The following MALRD1 variants were observed in gnomAD, a reference collection of about 807,000 sequenced individuals.
The protein encoded by MALRD1 is MAM and LDL-receptor class A domain-containing protein 1.
In MALRD1, 247 loss-of-function variants were observed where a neutral mutation model predicts 242.1. The observed-to-expected ratio is 1.02, with a 90% CI of 0.92 to 1.13. The LOEUF is 1.13. Among genes scored for constraint, MALRD1 ranks in the 50% most tolerant of loss-of-function variants. The pLI, the probability that MALRD1 is intolerant of heterozygous loss-of-function variation, is 0.00. For missense variants in MALRD1, 2,989 were observed against 2,533.1 expected, an observed-to-expected ratio of 1.18 and a Z score of -3.86; for synonymous variants, 995 against 866.6, an observed-to-expected ratio of 1.15 and a Z score of -2.60.
chr10:19,523,317 T>A (rs912306018), intron 31 of MALRD1, among the ~76,000 whole-genome samples: 1 of 152,202 alleles, frequency 6.6e-6, no homozygotes, highest in Non-Finnish European at 1.5e-5. Context: ...ATAATATATT[T>A]CTGTTTCAAT....
intron 13 of MALRD1, among the ~76,000 whole-genome samples, chr10:19,167,859 C>T (rs1834765435): frequency 6.6e-6 from 1 of 152,138 alleles, no homozygotes; most frequent in Admixed American, 6.5e-5. Context: ...ACCACCTCCC[C>T]ATGAAAGCAG....
chr10:19,380,354 A>G (rs920257308), intron 26 of MALRD1, among the ~76,000 whole-genome samples: 2 of 150,262 alleles, frequency 1.3e-5, no homozygotes, highest in African/African-American at 4.9e-5. Flanking sequence ...ATTCCACACC[A>G]TGAGTTCCGC....
At chr10:19,127,220 A>C (rs1463289236) in intron 7 of MALRD1, among the ~76,000 whole-genome samples, 3 of 152,204 alleles carry the variant, frequency 2.0e-5, no homozygotes, top group Non-Finnish European at 4.4e-5. Flanking sequence ...ACTATTTTTA[A>C]AAAGATTAAT....
chr10:19,063,906 C>T (rs887571329), intron 1 of MALRD1, among the ~76,000 whole-genome samples: 2 of 151,834 alleles, frequency 1.3e-5, no homozygotes, highest in African/African-American at 2.4e-5. Flanking sequence ...AACTAACCTG[C>T]ACATTGTGCA....
intron 32 of MALRD1, among the ~76,000 whole-genome samples, chr10:19,550,105 A>C (rs1835414155): frequency 1.3e-5 from 2 of 152,166 alleles, no homozygotes; most frequent in Admixed American, 1.3e-4. Context: ...CTTAAGTAAG[A>C]AAGGTGAAAA....
chr10:19,536,867 G>C (rs535353052), intron 32 of MALRD1, among the ~76,000 whole-genome samples: 1 of 152,228 alleles, frequency 6.6e-6, no homozygotes, highest in African/African-American at 2.4e-5. Context: ...AAATAAGAAA[G>C]TTTCCTGTGA....
intron 1 of MALRD1, among the ~76,000 whole-genome samples, chr10:19,050,040 C>G (rs150877130): frequency 2.8e-4 from 42 of 150,648 alleles, no homozygotes; most frequent in African/African-American, 8.8e-4. Context: ...TCCAGAGGCA[C>G]GAATTCTATT....
intron 21 of MALRD1, among the ~76,000 whole-genome samples, chr10:19,291,764 T>C (rs1841438879): frequency 1.3e-5 from 2 of 151,466 alleles, no homozygotes; most frequent in African/African-American, 4.8e-5. Flanking sequence ...GAAAGAAAAA[T>C]TGCTCTAAGG....
intron 36 of MALRD1, among the ~76,000 whole-genome samples, chr10:19,684,957 C>G (rs574572170): frequency 2.0e-5 from 3 of 152,230 alleles, no homozygotes; most frequent in Non-Finnish European, 2.9e-5. Context: ...AGTAAATCTG[C>G]AGGTTAGTGT....
chr10:19,549,534 T>C (rs1173928612), intron 32 of MALRD1, among the ~76,000 whole-genome samples: 1 of 152,184 alleles, frequency 6.6e-6, no homozygotes, highest in Admixed American at 6.5e-5. Context: ...AAGGCTGAGA[T>C]GGTCATTAGC....
At chr10:19,147,313 G>A (rs559453237) in intron 11 of MALRD1, among the ~76,000 whole-genome samples, 88 of 152,296 alleles carry the variant, frequency 5.8e-4, no homozygotes, top group African/African-American at 1.6e-3. Flanking sequence ...ATTGGGGTTG[G>A]TGGTAGTGGG....
chr10:19,627,215 A>G (rs1439283462), intron 36 of MALRD1, among the ~76,000 whole-genome samples: 1 of 152,238 alleles, frequency 6.6e-6, no homozygotes, highest in East Asian at 1.9e-4. Context: ...TATTAAAAAT[A>G]TATATAGGGG....
intron 28 of MALRD1, among the ~76,000 whole-genome samples, chr10:19,435,983 C>A (rs936950474): frequency 2.6e-5 from 4 of 152,044 alleles, no homozygotes; most frequent in Non-Finnish European, 5.9e-5. Context: ...TTCAATAGTA[C>A]TCTATTTGTT....
intron 32 of MALRD1, among the ~76,000 whole-genome samples, chr10:19,564,720 A>C (rs78670758): frequency 0.033 from 5,070 of 152,282 alleles, 295 homozygotes; most frequent in African/African-American, 0.12. Flanking sequence ...AATTAGAAAC[A>C]AATGACATTA....
At chr10:19,696,083 C>T (rs1365133572) in intron 38 of MALRD1, among the ~76,000 whole-genome samples, 1 of 152,116 alleles carries the variant, frequency 6.6e-6, no homozygotes, top group Non-Finnish European at 1.5e-5. Flanking sequence ...AATGTTTTAG[C>T]CCAAGCATCC....
At chr10:19,547,904 A>G (rs556556426) in intron 32 of MALRD1, among the ~76,000 whole-genome samples, 2 of 104,846 alleles carry the variant, frequency 1.9e-5, no homozygotes, top group Non-Finnish European at 1.8e-5. Context: ...TATGGCTGCT[A>G]TTTTCCCAAC....
At chr10:19,211,916 T>C (rs1837089867) in intron 18 of MALRD1, among the ~76,000 whole-genome samples, 1 of 151,844 alleles carries the variant, frequency 6.6e-6, no homozygotes, top group Non-Finnish European at 1.5e-5. Flanking sequence ...AATGCAGGGA[T>C]TTTTCACGAT....
intron 28 of MALRD1, among the ~76,000 whole-genome samples, chr10:19,423,988 A>T (rs917144523): frequency 3.3e-5 from 5 of 152,192 alleles, no homozygotes; most frequent in African/African-American, 1.2e-4. Context: ...ACAAATATCA[A>T]TGCAACCTTA....
intron 30 of MALRD1, among the ~76,000 whole-genome samples, chr10:19,497,071 G>A (rs910095721): frequency 3.3e-5 from 5 of 152,148 alleles, no homozygotes; most frequent in African/African-American, 1.2e-4. Flanking sequence ...GTACAAGGAT[G>A]ATCACAGAGA....
Sources: allele counts gnomAD v4.1 joint callset (sites outside exome capture counted in the v4.1 genomes callset), GRCh38; gene constraint gnomAD v4.1.1; transcripts MANE v1.5; gene names NCBI Gene and HGNC (gene_info 2026-07-23, HGNC 2026-07-21).